The following LACTB2 variants were observed in gnomAD, a reference collection of about 807,000 sequenced individuals.
LACTB2 encodes lactamase beta 2, also known as endoribonuclease LACTB2.
LACTB2 carries 32 observed loss-of-function variants against 34.8 expected under a neutral mutation model. The observed-to-expected ratio is 0.92, with a 90% CI of 0.69 to 1.24. LACTB2 has a LOEUF of 1.24. Ranked by LOEUF, LACTB2 falls within the 50% of genes most tolerant of loss-of-function variation. The pLI is 0.00. For missense variants in LACTB2, 320 were observed against 345.0 expected, an observed-to-expected ratio of 0.93 and a Z score of 0.57; for synonymous variants, 120 against 117.5, an observed-to-expected ratio of 1.02 and a Z score of -0.14.
chr8:70,652,014 T>C (rs1818349791), intron 3 of LACTB2: 1 of 152,242 alleles, frequency 6.6e-6, no homozygotes, highest in African/African-American at 2.4e-5. Flanking sequence ...TCAAGAAATT[T>C]AACTTAGCTT....
chr8:70,646,644 CT>C (rs1325090986), intron 3 of LACTB2: 30 of 150,846 alleles, frequency 2.0e-4, no homozygotes, highest in Non-Finnish European at 3.5e-4. Flanking sequence ...GATTATAATA[CT>C]TTTAAAGTAT....
chr8:70,651,526 T>C (rs1047691157), intron 3 of LACTB2, among the ~76,000 whole-genome samples: 1 of 146,256 alleles, frequency 6.8e-6, no homozygotes, highest in South Asian at 2.1e-4. Flanking sequence ...CCCCAATCTT[T>C]CTTTTTTTAA....
rs1285970544 is a variant in LACTB2, at chr8:70,669,174, A to T, written c.-54T>A. On this transcript the variant is annotated 5_prime_UTR_variant, in exon 1 of 7. Coordinates refer to ENST00000276590, the MANE Select transcript of LACTB2 (RefSeq NM_016027.3). Reference sequence around the variant, plus strand: ...GCCTATCTGGATACTCCAGCGCGGAAGAAGCCAACAGGCCGGGGATAGCGA... The same window carrying T: ...GCCTATCTGGATACTCCAGCGCGGATGAAGCCAACAGGCCGGGGATAGCGA... 1.4e-5 allele frequency: 23 copies of T among 1,593,490 alleles called. No homozygotes were observed. The highest frequency in any genetic ancestry group is 1.7e-5 in the Non-Finnish European group (20 of 1,169,624).
chr8:70,664,646 A>T (rs1818517103), intron 1 of LACTB2, among the ~76,000 whole-genome samples: 1 of 152,180 alleles, frequency 6.6e-6, no homozygotes, highest in Non-Finnish European at 1.5e-5. Context: ...GGGTGTCTAG[A>T]TACTATAAAA....
At chr8:70,641,088 TAAAA>T in intron 4 of LACTB2, 38 bp from the exon 5 acceptor site, 2 of 1,525,908 alleles carry the variant, frequency 1.3e-6, no homozygotes, top group Non-Finnish European at 1.8e-6. Flanking sequence ...TTCAGTCAGA[TAAAA>T]AAATACTAAG....
chr8:70,641,862 G>A (rs1818202749), intron 4 of LACTB2, among the ~76,000 whole-genome samples: 1 of 152,120 alleles, frequency 6.6e-6, no homozygotes, highest in Non-Finnish European at 1.5e-5. Context: ...CCTATTACGG[G>A]ATCTGGTTAG....
At chr8:70,657,031 G>C (rs16937180) in intron 3 of LACTB2, among the ~76,000 whole-genome samples, 1,624 of 152,230 alleles carry the variant, frequency 0.011, 38 homozygotes, top group African/African-American at 0.037. Flanking sequence ...GTGGGGGAGA[G>C]AGGAGTTCAG....
intron 1 of LACTB2, among the ~76,000 whole-genome samples, chr8:70,667,180 T>G (rs561013818): frequency 6.6e-6 from 1 of 152,310 alleles, no homozygotes; most frequent in South Asian, 2.1e-4. Context: ...ATAGGAAACC[T>G]GAAGAATGTG....
intron 4 of LACTB2, among the ~76,000 whole-genome samples, chr8:70,643,781 G>A (rs1311398290): frequency 2.6e-5 from 4 of 152,144 alleles, no homozygotes; most frequent in African/African-American, 7.2e-5. Flanking sequence ...CCAAAGTGCT[G>A]GGATTACAGG....
chr8:70,660,181 T>C (rs1818464288), intron 2 of LACTB2: 1 of 159,566 alleles, frequency 6.3e-6, no homozygotes, highest in Admixed American at 6.2e-5. Context: ...CTTGAACTGC[T>C]GGGCTCAAAC....
chr8:70,651,291 AT>A (rs1294396025), intron 3 of LACTB2, among the ~76,000 whole-genome samples: 27 of 152,232 alleles, frequency 1.8e-4, no homozygotes, highest in African/African-American at 6.3e-4. Flanking sequence ...AACAATTACT[AT>A]ATTATAGTTG....
At chr8:70,642,781 GC>G (rs1228415358) in intron 4 of LACTB2, among the ~76,000 whole-genome samples, 1 of 152,156 alleles carries the variant, frequency 6.6e-6, no homozygotes, top group Non-Finnish European at 1.5e-5. Flanking sequence ...ACTGCGCCTG[GC>G]CATTTCTTAG....
Position 70,669,148 on chromosome 8 carries a change from C to G in LACTB2, c.-28G>C, listed in dbSNP as rs373041032. On this transcript the variant is annotated 5_prime_UTR_variant, in exon 1 of 7. Coordinates refer to ENST00000276590, the MANE Select transcript of LACTB2 (RefSeq NM_016027.3). ...CCGCCTCAGCCGCCCGCCGGCGTGT[C>G]GCCTATCTGGATACTCCAGCGCGGA... 17 of 1,610,598 alleles carry G rather than the reference C, an allele frequency of 1.1e-5. No individual in the cohort carries two copies. In the African/African-American group the frequency reaches 2.1e-4, roughly 20 times the overall value.
intron 3 of LACTB2, chr8:70,646,661 G>A (rs1818267781): frequency 6.6e-6 from 1 of 151,936 alleles, no homozygotes; most frequent in South Asian, 2.1e-4. Context: ...AGTATGACAG[G>A]TATTTTATTT....
intron 3 of LACTB2, chr8:70,646,248 C>T (rs1290868514): frequency 6.6e-6 from 1 of 152,166 alleles, no homozygotes; most frequent in East Asian, 1.9e-4. Context: ...AAAGAAACTA[C>T]CATCAGAGTG....
intron 2 of LACTB2, among the ~76,000 whole-genome samples, chr8:70,659,120 G>C (rs1386616957): frequency 6.6e-6 from 1 of 152,236 alleles, no homozygotes; most frequent in African/African-American, 2.4e-5. Flanking sequence ...GCTAGGAAGA[G>C]TGGAGATAAA....
intron 2 of LACTB2, among the ~76,000 whole-genome samples, chr8:70,658,756 G>T (rs188172375): frequency 6.6e-6 from 1 of 152,290 alleles, no homozygotes; most frequent in East Asian, 1.9e-4. Context: ...TCCAGGCGTG[G>T]TGGCTCACAC....
chr8:70,663,483 A>C (rs189478815), intron 1 of LACTB2, among the ~76,000 whole-genome samples: 21 of 152,302 alleles, frequency 1.4e-4, no homozygotes, highest in Admixed American at 1.3e-3. Context: ...CTATCCGGAG[A>C]CAGGAGACCA....
chr8:70,642,253 C>G (rs945879330), intron 4 of LACTB2, among the ~76,000 whole-genome samples: 8 of 152,074 alleles, frequency 5.3e-5, no homozygotes, highest in African/African-American at 1.9e-4. Flanking sequence ...AACAAACAAA[C>G]AAACCCCCCC....
Sources: gnomAD v4.1 joint callset for allele counts (sites outside exome capture counted in the v4.1 genomes callset) on GRCh38, gnomAD v4.1.1 for gene constraint, MANE v1.5 for transcripts, NCBI Gene and HGNC (gene_info 2026-07-23, HGNC 2026-07-21) for gene names.